Variants in ATAD2B observed in about 807,000 individuals in gnomAD.
The protein encoded by ATAD2B is ATPase family AAA domain containing 2B.
A neutral mutation model predicts 167.6 loss-of-function variants in ATAD2B; 40 were observed. The observed-to-expected ratio is 0.24, with a 90% confidence interval of 0.19 to 0.31. The LOEUF (loss-of-function observed/expected upper bound fraction) is 0.31. Ranked by LOEUF, ATAD2B falls within the 10% of genes least tolerant of loss-of-function variation. The pLI is 1.00. For missense variants in ATAD2B, 1,242 were observed against 1,757.2 expected (o/e 0.71, Z 5.24); for synonymous variants, 579 against 596.5 (o/e 0.97, Z 0.43).
the ATAD2B span, among the ~76,000 whole-genome samples, chr2:23,727,053 A>G: frequency 6.6e-6 from 1 of 152,206 alleles, no homozygotes; most frequent in African/African-American, 2.4e-5. Flanking sequence ...TAAAAAACCA[A>G]AGAAGATCAA....
intron 19 of ATAD2B, among the ~76,000 whole-genome samples, chr2:23,788,999 T>C (rs571805544): frequency 3.9e-5 from 6 of 152,224 alleles, no homozygotes; most frequent in African/African-American, 1.4e-4. Context: ...TCTATAATAG[T>C]ACAGCTGGAA....
At chr2:23,814,861 T>C (rs1686185763) in intron 17 of ATAD2B, among the ~76,000 whole-genome samples, 2 of 151,968 alleles carry the variant, frequency 1.3e-5, no homozygotes, top group African/African-American at 2.4e-5. Context: ...GAGACCATCC[T>C]GGCCAACATG....
intron 13 of ATAD2B, among the ~76,000 whole-genome samples, chr2:23,849,525 T>G (rs1459405764): frequency 6.6e-6 from 1 of 152,150 alleles, no homozygotes; most frequent in African/African-American, 2.4e-5. Context: ...GAATTAGACC[T>G]AAACATCTGT....
At position 23,823,395 on chromosome 2, in the gene ATAD2B, T is replaced by C. The variant is rs1339912527; in HGVS notation, c.1994A>G (p.Gln665Arg). 1.2e-6 allele frequency: 2 copies of C among 1,613,980 alleles called. No individual in the cohort carries two copies. The highest frequency in any genetic ancestry group is 1.7e-6 in the Non-Finnish European group (2 of 1,179,878). Residue 665 changes from glutamine to arginine, a missense_variant, in exon 16 of 28, where the codon CAA becomes CGA. Gln to Arg is a conservative substitution (Grantham distance 43). This residue lies in a region of ATAD2B where 145 missense variants were observed against 181.9 expected (regional missense o/e 0.80). Transcript: ENST00000238789. ...HAMQNIVPAS[Q>R]RAVMSSGHAL... ...ATGCCCTGAAGACATCACAGCACGT[T>C]GGGAAGCAGGCACGATATTCTGCAT...
rs1675388761 is a variant in ATAD2B at position 23,751,840 on chromosome 2, T to C, written c.*206A>G. 1.8e-6 allele frequency: 1 copy of C among 548,990 alleles called. No homozygotes were observed. Among genetic ancestry groups the C allele is most frequent in the Non-Finnish European group, 3.3e-6 (1 of 306,616 alleles). 34.0% of individuals were successfully genotyped at this position (548,990 alleles called of 1,614,324 possible). On this transcript the variant is annotated 3_prime_UTR_variant, in exon 28 of 28. Coordinates refer to ENST00000238789, the MANE Select transcript of ATAD2B (RefSeq NM_017552.4). ...TTTATTTGTGGAAAATACAACATGT[T>C]TCTGAAGTTCTGTTTGGTTCTTGTA...
intron 16 of ATAD2B, among the ~76,000 whole-genome samples, chr2:23,820,814 G>A (rs975829290): frequency 6.6e-6 from 1 of 152,100 alleles, no homozygotes; most frequent in Non-Finnish European, 1.5e-5. Flanking sequence ...CGGGCGTGGT[G>A]GCAGGCGCCT....
intron 6 of ATAD2B, among the ~76,000 whole-genome samples, chr2:23,884,037 G>C (rs1698341204): frequency 6.6e-6 from 1 of 152,038 alleles, no homozygotes; most frequent in African/African-American, 2.4e-5. Flanking sequence ...CTAGGTACTC[G>C]AAAGGCTGAG....
intron 13 of ATAD2B, among the ~76,000 whole-genome samples, chr2:23,839,916 A>G (rs1320476688): frequency 6.6e-6 from 1 of 152,118 alleles, no homozygotes; most frequent in Non-Finnish European, 1.5e-5. Flanking sequence ...CTAGGGAACC[A>G]TTCATCTGTA....
chr2:23,741,108 GTGAAAATGGCCATACTGCCCAAGGTAA>G, the ATAD2B span, among the ~76,000 whole-genome samples: 6 of 151,840 alleles, frequency 4.0e-5, no homozygotes, highest in African/African-American at 1.2e-4. Flanking sequence ...AATCAATATC[GTGAAAATGGCCATACTGCCCAAGGTAA>G]TTTATAGATT....
rs1239569472 is a variant in ATAD2B, at chr2:23,877,576, G to A, written c.902-1672C>T. Among the ~76,000 whole-genome samples the A allele has an allele frequency of 2.0e-3, 241 of 118,540 alleles. 2 individuals are homozygous for A. The highest frequency in any genetic ancestry group is 7.1e-3 in the African/African-American group (222 of 31,328). 77.8% of individuals were successfully genotyped at this position (118,540 alleles called of 152,430 possible). ...GGCAGGGGAAGGGAGGGGAGGGGAG[G>A]GAAGGAAGGGCGGGCCGGGCACTGT... is the stretch of plus-strand genomic sequence containing the variant. On this transcript the variant is annotated intron_variant, in intron 7 of 27. Coordinates refer to ENST00000238789, the MANE Select transcript of ATAD2B (RefSeq NM_017552.4).
chr2:23,770,937 T>C (rs1678228881), intron 22 of ATAD2B, among the ~76,000 whole-genome samples: 1 of 152,206 alleles, frequency 6.6e-6, no homozygotes. Context: ...AATTACATTT[T>C]CATAATGTTG....
the ATAD2B span, among the ~76,000 whole-genome samples, chr2:23,734,806 G>A: frequency 2.6e-5 from 4 of 152,148 alleles, no homozygotes; most frequent in Non-Finnish European, 5.9e-5. Flanking sequence ...AACCCTATCA[G>A]TTCCTCTCCT....
chr2:23,679,439 G>C, the ATAD2B span, among the ~76,000 whole-genome samples: 2 of 152,210 alleles, frequency 1.3e-5, no homozygotes, highest in Admixed American at 1.3e-4. Flanking sequence ...GAGAGTGAGT[G>C]AAAGTGAGCA....
chr2:23,826,246 A>C (rs1317709078), intron 15 of ATAD2B, among the ~76,000 whole-genome samples: 2 of 152,184 alleles, frequency 1.3e-5, no homozygotes, highest in African/African-American at 4.8e-5. Flanking sequence ...ACTTCCTTCT[A>C]AAACTTTAAA....
At position 23,834,152 on chromosome 2, in the gene ATAD2B, CTTTTTTTTTTTTTTTTT is replaced by C. The variant is rs11378615; in HGVS notation, c.1569-91_1569-75del. On this transcript the variant is annotated intron_variant, in intron 13 of 27. Transcript: ENST00000238789. Reference sequence around the variant, plus strand: ...CTTACAATAACGTTTATCAGTCTTTCTTTTTTTTTTTTTTTTTTTTTTTTTTTGAGATGGAGTGTCAT... The same window carrying C: ...CTTACAATAACGTTTATCAGTCTTTCTTTTTTTTTTGAGATGGAGTGTCAT... The C allele has an allele frequency of 9.2e-5, 11 of 119,618 alleles. No individual in the cohort carries two copies. In the South Asian group the frequency reaches 1.3e-3, roughly 15 times the overall value. 7.4% of individuals were successfully genotyped at this position (119,618 alleles called of 1,614,324 possible).
chr2:23,869,161 G>A (rs752982907), intron 9 of ATAD2B, among the ~76,000 whole-genome samples: 8 of 152,030 alleles, frequency 5.3e-5, no homozygotes, highest in Non-Finnish European at 1.2e-4. Flanking sequence ...AGGTTTTAGT[G>A]AGCCCAACAG....
intron 18 of ATAD2B, among the ~76,000 whole-genome samples, chr2:23,808,077 G>GTAATTATATATATAATTATATATA (rs1194701678): frequency 4.1e-5 from 5 of 122,790 alleles, no homozygotes; most frequent in South Asian, 2.4e-4. Context: ...TAATATATAA[G>GTAATTATATATATAATTATATATA]TAATTATATA....
intron 1 of ATAD2B, among the ~76,000 whole-genome samples, chr2:23,923,345 C>T (rs116296887): frequency 5.9e-5 from 9 of 152,116 alleles, no homozygotes; most frequent in Non-Finnish European, 5.9e-5. Flanking sequence ...AGGGTGATTG[C>T]CAGGGTCTTG....
intron 7 of ATAD2B, among the ~76,000 whole-genome samples, chr2:23,876,185 G>C (rs1425740821): frequency 2.0e-5 from 3 of 151,796 alleles, no homozygotes; most frequent in Non-Finnish European, 4.4e-5. Flanking sequence ...GTAGAGACAG[G>C]GTTTCACCAT....
Sources: allele counts gnomAD v4.1 joint callset (sites outside exome capture counted in the v4.1 genomes callset), GRCh38; gene constraint gnomAD v4.1.1; regional missense constraint gnomAD v4.1.1; transcripts MANE v1.5; gene names NCBI Gene and HGNC (gene_info 2026-07-23, HGNC 2026-07-21).